Variants in P4HA1 observed in about 807,000 individuals in gnomAD.
P4HA1 encodes prolyl 4-hydroxylase subunit alpha 1.
In P4HA1, 24 loss-of-function variants were observed where a neutral mutation model predicts 72.8. That is an observed-to-expected ratio of 0.33 (90% CI 0.24 to 0.46). The LOEUF (loss-of-function observed/expected upper bound fraction) is 0.46, where lower values mean the gene tolerates loss of function less well. Ranked by LOEUF, P4HA1 falls within the 20% of genes least tolerant of loss-of-function variation. P4HA1 has a pLI of 1.00. For missense variants in P4HA1, 446 were observed against 640.6 expected, an observed-to-expected ratio of 0.70 and a Z score of 3.28; for synonymous variants, 201 against 218.8, an observed-to-expected ratio of 0.92 and a Z score of 0.72.
intron 5 of P4HA1, among the ~76,000 whole-genome samples, chr10:73,060,791 C>CA (rs1418034584): frequency 6.6e-6 from 1 of 151,880 alleles, no homozygotes; most frequent in Non-Finnish European, 1.5e-5. Context: ...CAAAGTAATA[C>CA]TGAATAGGCT....
At position 73,053,509 on chromosome 10, in the gene P4HA1, T is replaced by C; in HGVS notation, c.545A>G (p.His182Arg). The change falls in exon 6 of 15, where the codon CAT (histidine) becomes CGT (arginine). Residue 182 changes from histidine to arginine, a missense_variant. Coordinates refer to ENST00000394890, the MANE Select transcript of P4HA1 (RefSeq NM_001017962.3). ...GGCTTGTTCCATCCACAGTTCCGTA[T>C]GGTAATAATCTGCTTCTGTATAGGC... ...KVAYTEADYY[H>R]TELWMEQALR... 1 of 1,614,102 alleles carries C rather than the reference T, an allele frequency of 6.2e-7. No individual in the cohort carries two copies. Among genetic ancestry groups the C allele is most frequent in the South Asian group, 1.1e-5 (1 of 91,086 alleles).
chr10:73,045,025 T>C lies in P4HA1; in HGVS notation c.1104A>G (p.Pro368=). Residue 368 remains proline (P), a synonymous_variant, in exon 9 of 15, where the codon CCA becomes CCG. Coordinates refer to ENST00000394890, the MANE Select transcript of P4HA1 (RefSeq NM_001017962.3). ...PRLRRATISN[P]ITGDLETVHY... Reference sequence around the variant, plus strand: ...GTACCGTCTCCAAGTCTCCTGTTATTGGGTTTGAAATGGTGGCTCGCCTCA... The same window carrying C: ...GTACCGTCTCCAAGTCTCCTGTTATCGGGTTTGAAATGGTGGCTCGCCTCA... The C allele has an allele frequency of 6.2e-7, 1 of 1,613,754 alleles. No homozygotes were observed. Among genetic ancestry groups the C allele is most frequent in the Non-Finnish European group, 8.5e-7 (1 of 1,179,726 alleles).
intron 1 of P4HA1, among the ~76,000 whole-genome samples, chr10:73,085,949 G>A (rs1412094200): frequency 6.6e-6 from 1 of 152,098 alleles, no homozygotes; most frequent in Non-Finnish European, 1.5e-5. Flanking sequence ...CACTATGATT[G>A]CACCTGTGAA....
intron 12 of P4HA1, among the ~76,000 whole-genome samples, chr10:73,013,914 AAT>A (rs1041042615): frequency 3.3e-5 from 5 of 152,166 alleles, no homozygotes; most frequent in Non-Finnish European, 7.3e-5. Flanking sequence ...TAGAAATTCA[AAT>A]ATATAGAGAT....
At chr10:73,030,793 T>A (rs974648391) in intron 9 of P4HA1, among the ~76,000 whole-genome samples, 5 of 152,244 alleles carry the variant, frequency 3.3e-5, no homozygotes, top group African/African-American at 1.2e-4. Flanking sequence ...TAATATTTTA[T>A]AAGAAAAAAA....
At chr10:73,047,896 T>A (rs1326544012) in intron 7 of P4HA1, among the ~76,000 whole-genome samples, 1 of 151,956 alleles carries the variant, frequency 6.6e-6, no homozygotes, top group East Asian at 1.9e-4. Flanking sequence ...ACAAAAAATT[T>A]AAAAAATTAG....
At chr10:73,052,331 T>A (rs1841040770) in intron 6 of P4HA1, among the ~76,000 whole-genome samples, 1 of 152,180 alleles carries the variant, frequency 6.6e-6, no homozygotes, top group African/African-American at 2.4e-5. Flanking sequence ...CTTCAGAAAC[T>A]GCTCACAATA....
In P4HA1 at chr10:73,028,334, AC is replaced by A. The variant is rs1482942886; in HGVS notation, c.1248+1936del. On this transcript the variant is annotated intron_variant, in intron 10 of 14. Transcript: ENST00000394890. Reference sequence around the variant, plus strand: ...CACACACACACACACACACACACACACACACACACACAAAATACATTTTTAA... The same window carrying A: ...CACACACACACACACACACACACACAACACACACACAAAATACATTTTTAA... Among the ~76,000 whole-genome samples the A allele has an allele frequency of 8.5e-4, 128 of 151,318 alleles. 1 individual carries two copies. The highest frequency in any genetic ancestry group is 3.4e-3 in the Middle Eastern group (1 of 290).
rs539570895 is a variant in P4HA1, at chr10:73,063,643, A to G, written c.463+5203T>C. 1.4e-4 allele frequency among the ~76,000 whole-genome samples: 22 copies of G among 152,380 alleles called. No individual in the cohort carries two copies. The South Asian group carries it at 4.6e-3, about 32-fold the overall frequency. On this transcript the variant is annotated intron_variant, in intron 5 of 14. Coordinates refer to ENST00000394890, the MANE Select transcript of P4HA1 (RefSeq NM_001017962.3). ...AATTATAAATGTTTCTCTTAGGGAC[A>G]TGCAAAACACATAAGATGACAGTAT...
chr10:73,029,926 A>G (rs566531095), intron 10 of P4HA1, among the ~76,000 whole-genome samples: 1 of 152,300 alleles, frequency 6.6e-6, no homozygotes, highest in Admixed American at 6.5e-5. Flanking sequence ...AATAAAAAGG[A>G]AAAAAACCCA....
chr10:73,029,542 A>G (rs1163958035), intron 10 of P4HA1, among the ~76,000 whole-genome samples: 1 of 152,144 alleles, frequency 6.6e-6, no homozygotes, highest in Non-Finnish European at 1.5e-5. Flanking sequence ...AATATTTTAA[A>G]AAGTATTTTT....
chr10:73,083,982 A>G (rs931834280), intron 1 of P4HA1, among the ~76,000 whole-genome samples: 7 of 152,236 alleles, frequency 4.6e-5, no homozygotes, highest in Non-Finnish European at 8.8e-5. Flanking sequence ...AAGCTAACAA[A>G]AAAACAAAGT....
intron 1 of P4HA1, among the ~76,000 whole-genome samples, chr10:73,095,117 AACTG>A (rs774128897): frequency 6.6e-6 from 1 of 152,092 alleles, no homozygotes; most frequent in South Asian, 2.1e-4. Context: ...CCAAAACCAA[AACTG>A]ACTATGAATT....
chr10:73,083,843 A>C (rs1386733593), intron 1 of P4HA1, among the ~76,000 whole-genome samples: 3 of 152,212 alleles, frequency 2.0e-5, no homozygotes, highest in African/African-American at 7.2e-5. Context: ...AATTTAATAC[A>C]ATAATTAAAA....
intron 1 of P4HA1, among the ~76,000 whole-genome samples, chr10:73,085,476 T>C (rs1436341889): frequency 6.6e-6 from 1 of 151,936 alleles, no homozygotes; most frequent in African/African-American, 2.4e-5. Context: ...CTCCACCTCC[T>C]GGGTTCAAGC....
chr10:73,084,560 C>A (rs1426531488), intron 1 of P4HA1, among the ~76,000 whole-genome samples: 2 of 152,122 alleles, frequency 1.3e-5, no homozygotes, highest in Non-Finnish European at 2.9e-5. Flanking sequence ...GCAGTCTTCC[C>A]GCCTGAGCCT....
At chr10:73,073,193 A>T (rs1180443689) in intron 3 of P4HA1, among the ~76,000 whole-genome samples, 1 of 145,802 alleles carries the variant, frequency 6.9e-6, no homozygotes, top group Non-Finnish European at 1.5e-5. Context: ...AAAATGTATC[A>T]GTCAGCTTCC....
chr10:73,073,949 G>A, intron 2 of P4HA1, 122 bp from the exon 3 acceptor site: 2 of 666,008 alleles, frequency 3.0e-6, no homozygotes, highest in Non-Finnish European at 5.4e-6. Flanking sequence ...AGATATGCTG[G>A]AGACTATCTT....
chr10:73,080,729 C>A (rs867827976), intron 1 of P4HA1, among the ~76,000 whole-genome samples: 2 of 152,064 alleles, frequency 1.3e-5, no homozygotes, highest in Admixed American at 1.3e-4. Context: ...GAGTTTGAGA[C>A]CAGCCTGGCT....
Sources: allele counts gnomAD v4.1 joint callset (sites outside exome capture counted in the v4.1 genomes callset), GRCh38; gene constraint gnomAD v4.1.1; transcripts MANE v1.5; gene names NCBI Gene and HGNC (gene_info 2026-07-23, HGNC 2026-07-21).